ARHGEF3: variants seen among roughly 807,000 people sequenced by gnomAD.
ARHGEF3 encodes the protein 59.8 kDA protein.
Under a neutral mutation model 63.2 loss-of-function variants are expected in ARHGEF3, and 28 were observed. The ratio of observed to expected loss-of-function variants is 0.44; its 90% CI spans 0.33 to 0.61. ARHGEF3 has a LOEUF of 0.61. Ranked by LOEUF, ARHGEF3 falls within the 20% of genes least tolerant of loss-of-function variation. The pLI, the probability that ARHGEF3 is intolerant of heterozygous loss-of-function variation, is 0.03. For missense variants in ARHGEF3, 533 were observed against 659.3 expected, an observed-to-expected ratio of 0.81 and a Z score of 2.10; for synonymous variants, 266 against 254.2, an observed-to-expected ratio of 1.05 and a Z score of -0.44.
Position 56,972,154 on chromosome 3 carries a change from C to A in ARHGEF3, c.63-13265G>T, listed in dbSNP as rs556261165. On this transcript the variant is annotated intron_variant, in intron 2 of 12. Transcript: ENST00000338458. ...AATTCAGGCCACCACAGGGAGAGAA[C>A]GGTAACCCAAGGTGGTCAGAAGCAT... Among the ~76,000 whole-genome samples the A allele has an allele frequency of 1.7e-3, 264 of 152,184 alleles. 3 individuals are homozygous for A. Among genetic ancestry groups the A allele is most frequent in the African/African-American group, 6.2e-3 (258 of 41,458 alleles).
In ARHGEF3 at chr3:56,921,226, A is replaced by AC. The variant is rs369312731; in HGVS notation, c.129+37596_129+37597insG. Among the ~76,000 whole-genome samples, 1,426 of 151,584 alleles carry AC rather than the reference A, an allele frequency of 9.4e-3. 18 individuals carry two copies. The highest frequency in any genetic ancestry group is 0.028 in the African/African-American group (1,137 of 41,344). On this transcript the variant is annotated intron_variant, in intron 3 of 12. Coordinates refer to the ARHGEF3 transcript ENST00000338458. ...ATAAAAAGAAAAAAAAAAAGACCAA[A>AC]AAAAAAAAGGTTGGAAAAAATCTCA...
At chr3:57,045,254 C>T (rs1302932022) in intron 1 of ARHGEF3, among the ~76,000 whole-genome samples, 6 of 152,288 alleles carry the variant, frequency 3.9e-5, no homozygotes, top group Admixed American at 2.6e-4. Context: ...GTGATAAGAG[C>T]GAAACTCTGT....
intron 1 of ARHGEF3, among the ~76,000 whole-genome samples, chr3:56,784,031 C>T (rs1421304226): frequency 2.0e-5 from 3 of 152,218 alleles, no homozygotes; most frequent in African/African-American, 7.2e-5. Flanking sequence ...ACACCAGCCC[C>T]CACTGCCTGA....
chr3:56,918,489 C>G (rs1353910919), intron 3 of ARHGEF3, among the ~76,000 whole-genome samples: 1 of 152,202 alleles, frequency 6.6e-6, no homozygotes, highest in African/African-American at 2.4e-5. Context: ...AGAGGTGAAA[C>G]TTGAGGGGCT....
intron 2 of ARHGEF3, among the ~76,000 whole-genome samples, chr3:56,764,688 A>G (rs2035605693): frequency 6.6e-6 from 1 of 152,094 alleles, no homozygotes; most frequent in South Asian, 2.1e-4. Context: ...GGTTCATCAT[A>G]GATACTACAC....
intron 3 of ARHGEF3, among the ~76,000 whole-genome samples, chr3:56,895,325 T>C (rs564721559): frequency 2.6e-5 from 4 of 152,330 alleles, no homozygotes; most frequent in African/African-American, 9.6e-5. Context: ...CTGTGCTGAA[T>C]GAGCTCTAGC....
chr3:56,979,034 TAGTC>T lies in ARHGEF3; in HGVS notation c.63-20149_63-20146del, dbSNP rs1701226539. Among the ~76,000 whole-genome samples, 6 of 152,220 alleles carry T rather than the reference TAGTC, an allele frequency of 3.9e-5. No individual in the cohort carries two copies. The South Asian group carries it at 1.2e-3, about 31-fold the overall frequency. On this transcript the variant is annotated intron_variant, in intron 2 of 12. Transcript: ENST00000338458. Reference sequence around the variant, plus strand: ...AGCCGGCCATAGTGGCATGCACCTGTAGTCCCAACTACTTGGAAGACTGAGGTGG... The same window carrying T: ...AGCCGGCCATAGTGGCATGCACCTGTCCAACTACTTGGAAGACTGAGGTGG...
intron 2 of ARHGEF3, among the ~76,000 whole-genome samples, chr3:56,960,317 GC>G (rs1387561120): frequency 6.6e-6 from 1 of 152,156 alleles, no homozygotes; most frequent in Admixed American, 6.5e-5. Flanking sequence ...GATATTAAGT[GC>G]TTTGATTCTG....
chr3:56,758,454 T>C (rs2035231765), intron 2 of ARHGEF3, among the ~76,000 whole-genome samples: 1 of 151,832 alleles, frequency 6.6e-6, no homozygotes, highest in Non-Finnish European at 1.5e-5. Flanking sequence ...TATATAGATA[T>C]ATATGTAAGA....
At chr3:57,047,486 G>T (rs2318008) in intron 1 of ARHGEF3, among the ~76,000 whole-genome samples, 137,384 of 152,216 alleles carry the variant, frequency 0.9, 63,652 homozygotes, top group East Asian at 1. Context: ...GGAAAGGACT[G>T]CTCTATGCCT....
rs1490371115 is a variant in ARHGEF3 at position 56,801,905 on chromosome 3, G to A, written c.-107C>T. 1 of 1,532,456 alleles carries A rather than the reference G, an allele frequency of 6.5e-7. No homozygotes were observed. Among genetic ancestry groups the A allele is most frequent in the Non-Finnish European group, 8.8e-7 (1 of 1,139,434 alleles). The allele number at this position is 1,532,456 out of a possible 1,614,324, so 94.9% of individuals were successfully genotyped here. ...CTCCACGATGCCGGGCGGCGGCGGC[G>A]ACACGGAGACCGACAGCCGGCTTCT... On this transcript the variant is annotated 5_prime_UTR_variant, in exon 1 of 10. Coordinates refer to ENST00000296315, the MANE Select transcript of ARHGEF3 (RefSeq NM_019555.3).
chr3:56,843,030 T>TA (rs796962987), intron 4 of ARHGEF3, among the ~76,000 whole-genome samples: 54 of 152,330 alleles, frequency 3.5e-4, no homozygotes, highest in African/African-American at 1.3e-3. Context: ...TTTCTCCTTG[T>TA]AAAAACTTTA....
intron 2 of ARHGEF3, 80 bp from the exon 3 acceptor site, chr3:56,755,231 G>T: frequency 6.9e-7 from 1 of 1,446,420 alleles, no homozygotes; most frequent in African/African-American, 1.4e-5. Context: ...TGTCGTTGAC[G>T]GAACATAAAT....
intron 4 of ARHGEF3, among the ~76,000 whole-genome samples, chr3:56,862,057 A>C (rs2040093255): frequency 6.6e-6 from 1 of 152,164 alleles, no homozygotes; most frequent in Admixed American, 6.5e-5. Context: ...CATAGATGCT[A>C]ATCCACAGCT....
intron 4 of ARHGEF3, among the ~76,000 whole-genome samples, chr3:56,808,288 TA>T (rs1470005051): frequency 6.6e-6 from 1 of 151,308 alleles, no homozygotes; most frequent in Non-Finnish European, 1.5e-5. Flanking sequence ...AAAAAAATAG[TA>T]ATAATAAATT....
chr3:56,766,260 A>G (rs548030064), intron 2 of ARHGEF3, among the ~76,000 whole-genome samples: 1 of 152,356 alleles, frequency 6.6e-6, no homozygotes, highest in African/African-American at 2.4e-5. Context: ...AATGGAGACC[A>G]CTAATTTATC....
chr3:56,889,827 C>T (rs112842425), intron 3 of ARHGEF3, among the ~76,000 whole-genome samples: 1 of 152,132 alleles, frequency 6.6e-6, no homozygotes. Flanking sequence ...TTTGGGAGGC[C>T]GAGATGGGCG....
chr3:56,917,185 A>C (rs1198479465), intron 3 of ARHGEF3, among the ~76,000 whole-genome samples: 1 of 152,136 alleles, frequency 6.6e-6, no homozygotes, highest in Non-Finnish European at 1.5e-5. Context: ...TTCAGATTGA[A>C]AACTATGCCT....
chr3:56,916,675 T>C (rs567752506), intron 3 of ARHGEF3, among the ~76,000 whole-genome samples: 18 of 152,270 alleles, frequency 1.2e-4, no homozygotes, highest in African/African-American at 4.3e-4. Flanking sequence ...CCAAAAGCAA[T>C]GTGAAGCATC....
Sources: gnomAD v4.1 joint callset for allele counts (sites outside exome capture counted in the v4.1 genomes callset) on GRCh38, gnomAD v4.1.1 for gene constraint, MANE v1.5 for transcripts, NCBI Gene and HGNC (gene_info 2026-07-23, HGNC 2026-07-21) for gene names.